Variants in BAP1 observed in about 807,000 individuals in gnomAD.
BAP1 encodes the protein BRCA1 associated deubiquitinase 1.
Under a neutral mutation model 77.2 loss-of-function variants are expected in BAP1, and 16 were observed. The observed-to-expected ratio is 0.21, with a 90% CI of 0.14 to 0.31. BAP1 has a LOEUF of 0.31. BAP1 is among the 10% of genes least tolerant of loss of function. The pLI, the probability that BAP1 is intolerant of heterozygous loss-of-function variation, is 1.00. For missense variants in BAP1, 699 were observed against 967.3 expected, an observed-to-expected ratio of 0.72 and a Z score of 3.68; for synonymous variants, 362 against 385.2, an observed-to-expected ratio of 0.94 and a Z score of 0.71.
At position 52,408,456 on chromosome 3, in the gene BAP1, GCA is replaced by G. The variant is rs748146524; in HGVS notation, c.255+16_255+17del. The G allele has an allele frequency of 1.9e-6, 3 of 1,609,282 alleles. No homozygotes were observed. Among genetic ancestry groups the G allele is most frequent in the East Asian group, 2.2e-5 (1 of 44,858 alleles). ...GGCAGCATCCCACCCTCCAAACAAA[GCA>G]CAGAGTCCAGCAGACCTGGTGGGCA... On this transcript the variant is annotated intron_variant, in intron 4 of 16. Coordinates refer to ENST00000460680, the MANE Select transcript of BAP1 (RefSeq NM_004656.4).
chr3:52,405,777 C>G lies in BAP1; in HGVS notation c.919G>C (p.Gly307Arg), dbSNP rs1395277971. The change falls in exon 10 of 17, where the codon GGC (glycine) becomes CGC (arginine). Residue 307 changes from glycine (G) to arginine (R), a missense_variant. By Grantham distance (125) the Gly-to-Arg change is moderately radical. This residue lies in a region of BAP1 where 475 missense variants were observed against 532.4 expected (regional missense o/e 0.89). Transcript: ENST00000460680. ...EANRAPAASE[G>R]NHTDGAEEAA... is the part of the protein sequence containing the mutation. ...AACCCCCCAGTACCTGTGTGGTTGC[C>G]CTCAGAGGCTGCAGGGGCCCTGTTT... 1.2e-6 allele frequency: 2 copies of G among 1,613,168 alleles called. No individual in the cohort carries two copies. The highest frequency in any genetic ancestry group is 1.7e-6 in the Non-Finnish European group (2 of 1,180,028).
rs1559586451 is a variant in BAP1, at chr3:52,403,458, G to A, written c.1687C>T (p.His563Tyr). 1 of 1,613,944 alleles carries A rather than the reference G, an allele frequency of 6.2e-7. No homozygotes were observed. ...LGPVISTGLLHLAEDGVLSPL... is the reference protein window; with the variant it reads ...LGPVISTGLLYLAEDGVLSPL... ...CTCAGCACCCCATCCTCAGCCAGGT[G>A]CAGCAGGCCTGTGCTGATGACAGGA... is the stretch of plus-strand genomic sequence containing the variant. The change falls in exon 13 of 17, where the codon CAC (histidine) becomes TAC (tyrosine). Residue 563 changes from histidine to tyrosine, a missense_variant. Physicochemically the swap from His to Tyr is moderately conservative, Grantham distance 83. Around this residue, in one of 3 missense-constraint regions of BAP1, gnomAD observed 475 missense variants for 532.4 expected, o/e 0.89. Coordinates refer to ENST00000460680, the MANE Select transcript of BAP1 (RefSeq NM_004656.4). This position sits in a 1 kb window ranked among gnomAD's most constrained non-coding sequence, Gnocchi z 4.0.
chr3:52,407,601 G>A, intron 5 of BAP1, 141 bp from the exon 6 acceptor site: 1 of 1,215,590 alleles, frequency 8.2e-7, no homozygotes, highest in South Asian at 1.3e-5. Flanking sequence ...AAAGGCTGGT[G>A]GGGGCAGAAA....
chr3:52,402,782 G>A lies in BAP1; in HGVS notation c.1980C>T (p.Phe660=), dbSNP rs2153226286. 1 of 1,614,196 alleles carries A rather than the reference G, an allele frequency of 6.2e-7. No individual in the cohort carries two copies. The highest frequency in any genetic ancestry group is 8.5e-7 in the Non-Finnish European group (1 of 1,180,036). Residue 660 remains phenylalanine (F), a synonymous_variant, in exon 15 of 17, where the codon TTC becomes TTT. Transcript: ENST00000460680. The surrounding 1 kb of genome is among the most constrained non-coding windows in gnomAD (Gnocchi z 5.3). ...LKEEVEKRKK[F]KIDDQRRTHN... ...GGCAACTGGAGAAATCACCCACCTT[G>A]AACTTCTTCCTCTTCTCTACCTCCT...
Position 52,406,728 on chromosome 3 carries a change from C to T in BAP1, c.659+101G>A. On this transcript the variant is annotated intron_variant, in intron 8 of 16. Transcript: ENST00000460680. This position sits in a 1 kb window ranked among gnomAD's most constrained non-coding sequence, Gnocchi z 4.6. Reference sequence around the variant, plus strand: ...TCTAAGCCTGATCTTGCCAGATTCACCATATGGCCTTGCAATTTACAAATC... The same window carrying T: ...TCTAAGCCTGATCTTGCCAGATTCATCATATGGCCTTGCAATTTACAAATC... 7.7e-7 allele frequency: 1 copy of T among 1,306,076 alleles called. No homozygotes were observed. The highest frequency in any genetic ancestry group is 1.1e-6 in the Non-Finnish European group (1 of 925,934). The allele number at this position is 1,306,076 out of a possible 1,614,324, so 80.9% of individuals were successfully genotyped here. A position where few individuals can be genotyped will look rare whatever the true frequency, so the allele number is the denominator to read the frequency against.
intron 2 of BAP1, 35 bp from the exon 3 acceptor site, chr3:52,409,643 A>G (rs2153228570): frequency 1.9e-6 from 3 of 1,614,144 alleles, no homozygotes; most frequent in African/African-American, 2.7e-5. Flanking sequence ...AGGGAAGGAC[A>G]GCCCCTGATG....
In BAP1 at chr3:52,406,730, A is replaced by G; in HGVS notation, c.659+99T>C. 2 of 1,334,378 alleles carry G rather than the reference A, an allele frequency of 1.5e-6. No individual in the cohort carries two copies. Among genetic ancestry groups the G allele is most frequent in the South Asian group, 2.5e-5 (2 of 79,700 alleles). The allele number at this position is 1,334,378 out of a possible 1,614,324, so 82.7% of individuals were successfully genotyped here. A position where few individuals can be genotyped will look rare whatever the true frequency, so the allele number is the denominator to read the frequency against. ...TAAGCCTGATCTTGCCAGATTCACC[A>G]TATGGCCTTGCAATTTACAAATCAC... On this transcript the variant is annotated intron_variant, in intron 8 of 16. Transcript: ENST00000460680. This position sits in a 1 kb window ranked among gnomAD's most constrained non-coding sequence, Gnocchi z 4.6.
chr3:52,403,595 G>T lies in BAP1; in HGVS notation c.1550C>A (p.Thr517Lys), dbSNP rs764748646. 1 of 1,614,206 alleles carries T rather than the reference G, an allele frequency of 6.2e-7. No individual in the cohort carries two copies. Among genetic ancestry groups the T allele is most frequent in the Non-Finnish European group, 8.5e-7 (1 of 1,180,042 alleles). The change falls in exon 13 of 17, where the codon ACG (threonine) becomes AAG (lysine). Residue 517 changes from threonine (T) to lysine (K), a missense_variant. Around this residue, in one of 3 missense-constraint regions of BAP1, gnomAD observed 475 missense variants for 532.4 expected, o/e 0.89. Transcript: ENST00000460680. The surrounding 1 kb of genome is among the most constrained non-coding windows in gnomAD (Gnocchi z 4.0). ...GGAGGTGACAGGGCTGGAGGGCCGCGTCGGGTTGGCTGAGCGGATAGGCGA... is the reference window on the plus strand; with the variant it reads ...GGAGGTGACAGGGCTGGAGGGCCGCTTCGGGTTGGCTGAGCGGATAGGCGA... ...LRSPIRSANP[T>K]RPSSPVTSHI...
Position 52,403,760 on chromosome 3 carries a change from G to A in BAP1, c.1385C>T (p.Pro462Leu), listed in dbSNP as rs772505081. 6.2e-7 allele frequency: 1 copy of A among 1,614,000 alleles called. No individual in the cohort carries two copies. Among genetic ancestry groups the A allele is most frequent in the African/African-American group, 1.3e-5 (1 of 74,918 alleles). ...LKESQKDLSI[P>L]LSIKTSSGAG... ...CCCGCTGCTAGTCTTGATGGACAGAGGAATTGAGAGGTCCTTCTGGGACTC... is the reference window on the plus strand; with the variant it reads ...CCCGCTGCTAGTCTTGATGGACAGAAGAATTGAGAGGTCCTTCTGGGACTC... Residue 462 changes from proline (P) to leucine (L), a missense_variant, in exon 13 of 17, where the codon CCT becomes CTT. By Grantham distance (98) the Pro-to-Leu change is moderately conservative. Transcript: ENST00000460680. The surrounding 1 kb of genome is among the most constrained non-coding windows in gnomAD (Gnocchi z 4.0).
chr3:52,406,111 G>A lies in BAP1; in HGVS notation c.783+142C>T. ...CCAAGTCCCACCTTTCCCACAATGG[G>A]GGCAAAGAAAAGATGTGGTTAGCTG... On this transcript the variant is annotated intron_variant, in intron 9 of 16. Transcript: ENST00000460680. The surrounding 1 kb of genome is among the most constrained non-coding windows in gnomAD (Gnocchi z 4.6). 6.5e-7 allele frequency: 1 copy of A among 1,529,960 alleles called. No individual in the cohort carries two copies. The highest frequency in any genetic ancestry group is 8.9e-7 in the Non-Finnish European group (1 of 1,117,588). 94.8% of individuals were successfully genotyped at this position (1,529,960 alleles called of 1,614,324 possible).
chr3:52,407,511 A>C (rs2153228013), intron 5 of BAP1, 51 bp from the exon 6 acceptor site: 2 of 1,611,650 alleles, frequency 1.2e-6, no homozygotes, highest in Non-Finnish European at 8.5e-7. Context: ...CTCAGGTAGG[A>C]CTATGGGTGG....
rs576176888 is a variant in BAP1 at position 52,408,018 on chromosome 3, G to A, written c.315C>T (p.Ser105=). ...ALLSVLLNCS[S]VDLGPTLSRM... ...GACTCAGGGTGGGTCCCAGGTCCAC[G>A]CTGCTGCAGTTCAGGAGCACGCTCA... The change falls in exon 5 of 17, where the codon AGC becomes AGT. Residue 105 remains serine (S), a synonymous_variant. Transcript: ENST00000460680. The A allele has an allele frequency of 2.6e-5, 42 of 1,613,684 alleles. No homozygotes were observed. The highest frequency in any genetic ancestry group is 3.3e-5 in the Non-Finnish European group (39 of 1,179,926).
In BAP1 at chr3:52,404,586, C is replaced by A. The variant is rs1383367199; in HGVS notation, c.1117G>T (p.Glu373Ter). The A allele has an allele frequency of 6.2e-7, 1 of 1,613,016 alleles. No homozygotes were observed. Among genetic ancestry groups the A allele is most frequent in the Non-Finnish European group, 8.5e-7 (1 of 1,179,680 alleles). The change falls in exon 12 of 17, where the codon GAG becomes TAG. Residue 373 changes from glutamate to a stop codon, truncating the protein, a stop_gained and splice_region_variant. Coordinates refer to ENST00000460680, the MANE Select transcript of BAP1 (RefSeq NM_004656.4). LOFTEE classifies it high-confidence loss of function. The stretch of plus-strand genomic sequence containing the variant: ...ACACCTGCCGCCAGGTCTTCTTCCT[C>A]CTGGGACAAAGACCAGGGCAGTTAC... ...NHNYAKSPMQ[E>*]EEDLAAGVGR...
Position 52,406,886 on chromosome 3 carries a change from T to A in BAP1, c.602A>T (p.Glu201Val), listed in dbSNP as rs2153227654. Residue 201 changes from glutamate to valine, a missense_variant, in exon 8 of 17, where the codon GAG becomes GTG. Physicochemically the swap from Glu to Val is moderately radical, Grantham distance 121. Transcript: ENST00000460680. This position sits in a 1 kb window ranked among gnomAD's most constrained non-coding sequence, Gnocchi z 4.6. ...GACCCGCCGGGCCTTGTCTGTCCAC[T>A]CCTCGTCCTCCCCCCAGGGCCCTAG... ...IDHGPWGEDE[E>V]WTDKARRVIM... is the part of the protein sequence containing the mutation. 6.4e-7 allele frequency: 1 copy of A among 1,570,846 alleles called. No homozygotes were observed. The highest frequency in any genetic ancestry group is 8.6e-7 in the Non-Finnish European group (1 of 1,157,122).
At chr3:52,409,340 G>A (rs1419667944) in intron 3 of BAP1, among the ~76,000 whole-genome samples, 1 of 152,178 alleles carries the variant, frequency 6.6e-6, no homozygotes, top group Non-Finnish European at 1.5e-5. Flanking sequence ...GGTGGGGAGG[G>A]GGCTGCTACA....
rs1228682380 is a variant in BAP1, at chr3:52,402,541, G to T, written c.2056+61C>A. ...AGCCTCAGGAGAGGCCAGGGGAGGG[G>T]AGCTGAAGGACACGGCCCTCAGCAG... On this transcript the variant is annotated intron_variant, in intron 16 of 16. Coordinates refer to ENST00000460680, the MANE Select transcript of BAP1 (RefSeq NM_004656.4). The surrounding 1 kb of genome is among the most constrained non-coding windows in gnomAD (Gnocchi z 5.3). 1 of 1,611,792 alleles carries T rather than the reference G, an allele frequency of 6.2e-7. No individual in the cohort carries two copies. Among genetic ancestry groups the T allele is most frequent in the Non-Finnish European group, 8.5e-7 (1 of 1,178,064 alleles).
At position 52,406,765 on chromosome 3, in the gene BAP1, CTCTG is replaced by C. The variant is rs1297416271; in HGVS notation, c.659+60_659+63del. ...GCAATTTACAAATCACCTGGATACT[CTCTG>C]TCCCTCCCAAAGTAGGTACAGCTCC... On this transcript the variant is annotated intron_variant, in intron 8 of 16. Transcript: ENST00000460680. This position sits in a 1 kb window ranked among gnomAD's most constrained non-coding sequence, Gnocchi z 4.6. 1 of 1,513,456 alleles carries C rather than the reference CTCTG, an allele frequency of 6.6e-7. No individual in the cohort carries two copies. The highest frequency in any genetic ancestry group is 1.4e-5 in the African/African-American group (1 of 72,236). 93.8% of individuals were successfully genotyped at this position (1,513,456 alleles called of 1,614,324 possible).
chr3:52,408,009 C>G lies in BAP1; in HGVS notation c.324G>C (p.Leu108=), dbSNP rs751294311. 6.2e-7 allele frequency: 1 copy of G among 1,613,896 alleles called. No individual in the cohort carries two copies. The highest frequency in any genetic ancestry group is 8.5e-7 in the Non-Finnish European group (1 of 1,179,972). The stretch of plus-strand genomic sequence containing the variant: ...CCTTCATGCGACTCAGGGTGGGTCC[C>G]AGGTCCACGCTGCTGCAGTTCAGGA... ...SVLLNCSSVD[L]GPTLSRMKDF... The change falls in exon 5 of 17, where the codon CTG becomes CTC. Residue 108 remains leucine, a synonymous_variant. Coordinates refer to ENST00000460680, the MANE Select transcript of BAP1 (RefSeq NM_004656.4).
rs767198116 is a variant in BAP1 at position 52,402,927 on chromosome 3, C to G, written c.1891-56G>C. 3 of 1,612,634 alleles carry G rather than the reference C, an allele frequency of 1.9e-6. No homozygotes were observed. The highest frequency in any genetic ancestry group is 1.6e-4 in the Middle Eastern group (1 of 6,084). On this transcript the variant is annotated intron_variant, in intron 14 of 16. Coordinates refer to ENST00000460680, the MANE Select transcript of BAP1 (RefSeq NM_004656.4). This position sits in a 1 kb window ranked among gnomAD's most constrained non-coding sequence, Gnocchi z 5.3. ...GGGGCGGGCCAGCAACAAAGCCCCA[C>G]GAGCAATAGGCAGCTAGAGGCAAGG...
Sources: gnomAD v4.1 joint callset for allele counts (sites outside exome capture counted in the v4.1 genomes callset) on GRCh38, gnomAD v4.1.1 for gene constraint, gnomAD v4.1.1 regional missense constraint, Gnocchi (gnomAD v3.1) non-coding constraint, MANE v1.5 for transcripts, NCBI Gene and HGNC (gene_info 2026-07-23, HGNC 2026-07-21) for gene names.